GPAT3: variants seen among roughly 807,000 people sequenced by gnomAD.
The protein encoded by GPAT3 is 1-AGP acyltransferase 9.
In GPAT3, 53 loss-of-function variants were observed where a neutral mutation model predicts 58.8. The ratio of observed to expected loss-of-function variants is 0.90; its 90% CI spans 0.72 to 1.13. GPAT3 has a LOEUF of 1.13. Ranked by LOEUF, GPAT3 falls within the 50% of genes most tolerant of loss-of-function variation. GPAT3 has a pLI of 0.00. For missense variants in GPAT3, 511 were observed against 527.6 expected, an observed-to-expected ratio of 0.97 and a Z score of 0.31; for synonymous variants, 197 against 187.4, an observed-to-expected ratio of 1.05 and a Z score of -0.42.
chr4:83,591,651 G>A (rs1726605352), intron 6 of GPAT3, among the ~76,000 whole-genome samples: 2 of 152,060 alleles, frequency 1.3e-5, no homozygotes, highest in East Asian at 1.9e-4. Flanking sequence ...CCTAGACCCC[G>A]CAGCACAGTT....
intron 2 of GPAT3, among the ~76,000 whole-genome samples, chr4:83,547,240 A>G (rs1578161560): frequency 1.5e-5 from 2 of 135,084 alleles, no homozygotes; most frequent in South Asian, 2.3e-4. Flanking sequence ...ACTTCCTTCT[A>G]CTGCTCTTTT....
At chr4:83,539,780 G>T (rs1478439689) in intron 1 of GPAT3, among the ~76,000 whole-genome samples, 7 of 152,220 alleles carry the variant, frequency 4.6e-5, no homozygotes, top group Admixed American at 4.6e-4. Context: ...TGATTTTCAA[G>T]GGATATATGA....
At chr4:83,579,073 TCTTTCTTC>T (rs1354156468) in intron 2 of GPAT3, among the ~76,000 whole-genome samples, 1,959 of 31,274 alleles carry the variant, frequency 0.063, 477 homozygotes, top group East Asian at 0.15. Context: ...TTTCTTTCTT[TCTTTCTTC>T]CCTTCCTTCC....
intron 5 of GPAT3, among the ~76,000 whole-genome samples, chr4:83,589,544 A>G (rs1726512056): frequency 6.6e-6 from 1 of 152,188 alleles, no homozygotes; most frequent in Non-Finnish European, 1.5e-5. Flanking sequence ...TGATAAGAAA[A>G]GTTTGCCAAC....
chr4:83,604,833 G>A lies in GPAT3; in HGVS notation c.*66G>A. On this transcript the variant is annotated 3_prime_UTR_variant, in exon 12 of 12. Coordinates refer to ENST00000264409, the MANE Select transcript of GPAT3 (RefSeq NM_032717.5). ...GAAATGGAATGGCTTTTTTTGTTTTGTTTTGTTTTATTGTTTTGTTTTTAT... is the reference window on the plus strand; with the variant it reads ...GAAATGGAATGGCTTTTTTTGTTTTATTTTGTTTTATTGTTTTGTTTTTAT... 1.6e-6 allele frequency: 2 copies of A among 1,268,204 alleles called. No individual in the cohort carries two copies. Among genetic ancestry groups the A allele is most frequent in the Non-Finnish European group, 2.2e-6 (2 of 896,890 alleles). 78.6% of individuals were successfully genotyped at this position (1,268,204 alleles called of 1,614,324 possible).
At chr4:83,556,998 G>T (rs1484653565) in intron 2 of GPAT3, among the ~76,000 whole-genome samples, 1 of 152,108 alleles carries the variant, frequency 6.6e-6, no homozygotes, top group Non-Finnish European at 1.5e-5. Flanking sequence ...ACAGGAGTGA[G>T]GGATCTTTTT....
intron 2 of GPAT3, among the ~76,000 whole-genome samples, chr4:83,571,682 G>A (rs1725608909): frequency 7.1e-6 from 1 of 141,814 alleles, no homozygotes; most frequent in African/African-American, 2.5e-5. Context: ...ATATATATAT[G>A]TGTATATATA....
At chr4:83,584,371 G>A (rs976147407) in intron 3 of GPAT3, among the ~76,000 whole-genome samples, 1 of 152,144 alleles carries the variant, frequency 6.6e-6, no homozygotes, top group Non-Finnish European at 1.5e-5. Flanking sequence ...TCTTCAGTGT[G>A]GAAGAACTGC....
intron 3 of GPAT3, among the ~76,000 whole-genome samples, chr4:83,586,401 T>C (rs1440924691): frequency 6.6e-6 from 1 of 152,184 alleles, no homozygotes; most frequent in Non-Finnish European, 1.5e-5. Flanking sequence ...GTCTGCTTAT[T>C]GAATACCTCA....
chr4:83,537,591 ATGTGTGTGTGTGTG>A (rs113407081), intron 1 of GPAT3, among the ~76,000 whole-genome samples: 3 of 145,174 alleles, frequency 2.1e-5, no homozygotes, highest in Admixed American at 1.4e-4. Context: ...TATGTATAAT[ATGTGTGTGTGTGTG>A]TGTGTGTGTG....
At chr4:83,585,746 C>T (rs939660260) in intron 3 of GPAT3, among the ~76,000 whole-genome samples, 3 of 152,042 alleles carry the variant, frequency 2.0e-5, no homozygotes, top group Non-Finnish European at 4.4e-5. Context: ...GTCACCATGC[C>T]TTCCTAATTT....
intron 2 of GPAT3, among the ~76,000 whole-genome samples, chr4:83,547,234 C>A (rs1381519470): frequency 1.3e-5 from 2 of 148,806 alleles, no homozygotes; most frequent in Non-Finnish European, 3.0e-5. Flanking sequence ...TGAAAAACTT[C>A]CTTCTACTGC....
chr4:83,590,582 C>G (rs1196954723), intron 6 of GPAT3, among the ~76,000 whole-genome samples: 3 of 152,188 alleles, frequency 2.0e-5, no homozygotes, highest in Admixed American at 6.5e-5. Flanking sequence ...TGTAAAATCC[C>G]TGCCAGTGTT....
intron 2 of GPAT3, among the ~76,000 whole-genome samples, chr4:83,568,510 CTTT>C (rs149388912): frequency 1.4e-5 from 2 of 141,700 alleles, no homozygotes; most frequent in Non-Finnish European, 3.1e-5. Flanking sequence ...TTTGTATTCA[CTTT>C]TTTTTTTTTT....
chr4:83,568,228 C>T (rs1050412710), intron 2 of GPAT3, among the ~76,000 whole-genome samples: 1 of 151,892 alleles, frequency 6.6e-6, no homozygotes, highest in Admixed American at 6.6e-5. Flanking sequence ...CTAGGGGGAG[C>T]GTGAGTAGTT....
intron 2 of GPAT3, among the ~76,000 whole-genome samples, chr4:83,545,650 TAA>T (rs1406152257): frequency 6.6e-6 from 1 of 152,222 alleles, no homozygotes; most frequent in Non-Finnish European, 1.5e-5. Context: ...GGTGTATACT[TAA>T]ACACCCAAAT....
chr4:83,598,180 G>A lies in GPAT3; in HGVS notation c.1125+1G>A. ...GTACATGCCCCCCATGACCAGAGAG[G>A]TATTCCTTAGCTAACACTTTATCTA... On this transcript the variant is annotated splice_donor_variant, in intron 10 of 11. Transcript: ENST00000264409. LOFTEE classifies it high-confidence loss of function. 6.2e-7 allele frequency: 1 copy of A among 1,611,864 alleles called. No individual in the cohort carries two copies. The highest frequency in any genetic ancestry group is 1.3e-5 in the African/African-American group (1 of 74,842).
chr4:83,588,354 T>C (rs964032852), intron 5 of GPAT3, 55 bp downstream of exon 5: 1 of 1,535,674 alleles, frequency 6.5e-7, no homozygotes, highest in Non-Finnish European at 9.0e-7. Context: ...AGCATGAGAT[T>C]GACAAGGAAG....
chr4:83,583,826 T>G (rs141524735), intron 3 of GPAT3, among the ~76,000 whole-genome samples: 3,333 of 151,574 alleles, frequency 0.022, 129 homozygotes, highest in African/African-American at 0.077. Context: ...AATACAAAAA[T>G]TAGCCAGGTG....
Sources: allele counts gnomAD v4.1 joint callset (sites outside exome capture counted in the v4.1 genomes callset), GRCh38; gene constraint gnomAD v4.1.1; transcripts MANE v1.5; gene names NCBI Gene and HGNC (gene_info 2026-07-23, HGNC 2026-07-21).